PCDH11Y: variants seen among roughly 807,000 people sequenced by gnomAD.
The protein encoded by PCDH11Y is protocadherin 11 Y-linked, also known as protocadherin-11 Y-linked.
For missense variants in PCDH11Y, 12 were observed against 224.8 expected, an observed-to-expected ratio of 0.05 and a Z score of 6.05; for synonymous variants, 9 against 83.6, an observed-to-expected ratio of 0.11 and a Z score of 4.87.
intron 2 of PCDH11Y, among the ~76,000 whole-genome samples, chrY:5,332,815 A>T: frequency 1.2e-4 from 4 of 33,865 alleles, no homozygotes; most frequent in African/African-American, 4.6e-4. Context: ...CACTCAGGAG[A>T]ATTTAACACT....
chrY:5,234,918 C>T (rs2052973114), intron 2 of PCDH11Y, among the ~76,000 whole-genome samples: 1 of 31,444 alleles, frequency 3.2e-5, no homozygotes, highest in Non-Finnish European at 7.7e-5. Flanking sequence ...TCATTCTTGT[C>T]ATCTGGGATG....
intron 1 of PCDH11Y, among the ~76,000 whole-genome samples, chrY:5,086,195 A>G (rs2052730272): frequency 3.1e-5 from 1 of 32,759 alleles, no homozygotes; most frequent in African/African-American, 1.2e-4. Flanking sequence ...TCATTCTGCC[A>G]TTAAAAGGCT....
chrY:5,418,627 A>T, intron 2 of PCDH11Y, among the ~76,000 whole-genome samples: 1 of 33,239 alleles, frequency 3.0e-5, no homozygotes, highest in African/African-American at 1.2e-4. Flanking sequence ...CAAAGCAGAA[A>T]CTGATTCAGA....
chrY:5,532,299 A>C, intron 3 of PCDH11Y, among the ~76,000 whole-genome samples: 1 of 27,420 alleles, frequency 3.6e-5, no homozygotes, highest in Non-Finnish European at 8.4e-5. Flanking sequence ...ATCCGTGTTT[A>C]TATTCCTTGT....
chrY:5,669,679 TG>T (rs2053547561), intron 4 of PCDH11Y, among the ~76,000 whole-genome samples: 2 of 28,577 alleles, frequency 7.0e-5, no homozygotes, highest in Non-Finnish European at 8.4e-5. Flanking sequence ...AATTTATTTT[TG>T]TATATAGTAA....
At chrY:5,708,851 T>A in intron 4 of PCDH11Y, among the ~76,000 whole-genome samples, 6 of 32,263 alleles carry the variant, frequency 1.9e-4, no homozygotes, top group African/African-American at 7.3e-4. Context: ...GAGAGACATT[T>A]AGTCTGTTGT....
At chrY:5,389,200 C>G in intron 2 of PCDH11Y, among the ~76,000 whole-genome samples, 4 of 33,882 alleles carry the variant, frequency 1.2e-4, no homozygotes, top group Admixed American at 2.7e-4. Flanking sequence ...GTCTAAAAAA[C>G]AATCAATGTT....
chrY:5,389,493 AT>A (rs1198578853), intron 2 of PCDH11Y, among the ~76,000 whole-genome samples: 7 of 27,654 alleles, frequency 2.5e-4, no homozygotes, highest in Admixed American at 7.0e-4. Flanking sequence ...TTTAAATGTC[AT>A]TTTTTTTTTG....
chrY:5,165,341 A>G, intron 2 of PCDH11Y, among the ~76,000 whole-genome samples: 3 of 33,348 alleles, frequency 9.0e-5, no homozygotes, highest in Admixed American at 8.3e-4. Context: ...CATGTTATAG[A>G]AAGTATGTTC....
intron 1 of PCDH11Y, among the ~76,000 whole-genome samples, chrY:5,091,830 C>A (rs2052741818): frequency 3.1e-5 from 1 of 31,771 alleles, no homozygotes; most frequent in Non-Finnish European, 7.7e-5. Flanking sequence ...TACAAAAATT[C>A]TATCATTTTC....
intron 1 of PCDH11Y, among the ~76,000 whole-genome samples, chrY:5,090,841 C>T: frequency 3.0e-5 from 1 of 32,807 alleles, no homozygotes; most frequent in Non-Finnish European, 7.6e-5. Flanking sequence ...TGTGTGATCA[C>T]GGGCAAGTCA....
At chrY:5,122,834 C>A in intron 2 of PCDH11Y, among the ~76,000 whole-genome samples, 1 of 30,374 alleles carries the variant, frequency 3.3e-5, no homozygotes, top group African/African-American at 1.3e-4. Flanking sequence ...ATGGGGGTGA[C>A]TGTAAGACTC....
intron 1 of PCDH11Y, among the ~76,000 whole-genome samples, chrY:5,076,389 T>C (rs1602857309): frequency 9.0e-5 from 3 of 33,357 alleles, no homozygotes; most frequent in African/African-American, 3.5e-4. Flanking sequence ...GTTGATTGTG[T>C]CCTTTGCTGT....
At chrY:5,374,618 T>A in intron 2 of PCDH11Y, among the ~76,000 whole-genome samples, 2 of 31,346 alleles carry the variant, frequency 6.4e-5, no homozygotes, top group South Asian at 1.5e-3. Context: ...AATGTACAAT[T>A]TGCTCAGTTT....
chrY:5,445,799 A>T, intron 2 of PCDH11Y, among the ~76,000 whole-genome samples: 1 of 33,174 alleles, frequency 3.0e-5, no homozygotes, highest in Admixed American at 2.8e-4. Context: ...AAAAGCAAAA[A>T]TCAATATATA....
chrY:5,578,347 C>G lies in PCDH11Y; in HGVS notation c.3329-3428C>G. 1.8e-4 allele frequency among the ~76,000 whole-genome samples: 6 copies of G among 33,701 alleles called. No individual in the cohort carries two copies. The South Asian group carries it at 3.9e-3, about 22-fold the overall frequency. 90.4% of individuals were successfully genotyped at this position (33,701 alleles called of 37,273 possible). A position where few individuals can be genotyped will look rare whatever the true frequency, so the allele number is the denominator to read the frequency against. On this transcript the variant is annotated intron_variant, in intron 3 of 4. Coordinates refer to the PCDH11Y transcript ENST00000400457. Reference sequence around the variant, plus strand: ...TGGTTTATTAATTTGACACCACAGTCTTCCGTACACTGATTTCATTTTTTT... The same window carrying G: ...TGGTTTATTAATTTGACACCACAGTGTTCCGTACACTGATTTCATTTTTTT...
At chrY:5,646,695 A>G in intron 4 of PCDH11Y, among the ~76,000 whole-genome samples, 1 of 32,142 alleles carries the variant, frequency 3.1e-5, no homozygotes, top group African/African-American at 1.2e-4. Flanking sequence ...ATTCCCATGA[A>G]GAATATTTGA....
chrY:5,274,589 C>A, intron 2 of PCDH11Y, among the ~76,000 whole-genome samples: 2 of 34,166 alleles, frequency 5.9e-5, no homozygotes, highest in Non-Finnish European at 7.3e-5. Flanking sequence ...AGGTGATCTG[C>A]CTGCCTCGGG....
At chrY:5,125,183 GT>G (rs2052823924) in intron 2 of PCDH11Y, among the ~76,000 whole-genome samples, 1 of 32,876 alleles carries the variant, frequency 3.0e-5, no homozygotes, top group Non-Finnish European at 7.5e-5. Context: ...ATACTATTTG[GT>G]AAAGCTGTTA....
Sources: allele counts gnomAD v4.1 joint callset (sites outside exome capture counted in the v4.1 genomes callset), GRCh38; gene constraint gnomAD v4.1.1; transcripts MANE v1.5; gene names NCBI Gene and HGNC (gene_info 2026-07-23, HGNC 2026-07-21).